CPA6: variants seen among roughly 807,000 people sequenced by gnomAD.
CPA6 encodes the protein carboxypeptidase B.
A neutral mutation model predicts 63.3 loss-of-function variants in CPA6; 58 were observed. The observed-to-expected ratio is 0.92, with a 90% confidence interval of 0.74 to 1.14. CPA6 has a LOEUF of 1.14. Among genes scored for constraint, CPA6 ranks in the 50% most tolerant of loss-of-function variants. The probability of loss-of-function intolerance (pLI) is 0.00; values close to 1 mark genes in which losing one functional copy is unlikely to be tolerated. For synonymous variants in CPA6, 185 were observed against 179.0 expected (o/e 1.03, Z -0.27); for missense variants, 565 against 526.6 (o/e 1.07, Z -0.71).
intron 1 of CPA6, among the ~76,000 whole-genome samples, chr8:67,679,999 T>A (rs957053797): frequency 3.9e-5 from 6 of 152,192 alleles, no homozygotes; most frequent in African/African-American, 1.4e-4. Flanking sequence ...AAAAACTGAC[T>A]TGCATGTAGC....
intron 8 of CPA6, among the ~76,000 whole-genome samples, chr8:67,469,070 G>C (rs1007188084): frequency 6.6e-6 from 1 of 152,136 alleles, no homozygotes; most frequent in Non-Finnish European, 1.5e-5. Flanking sequence ...ACTTTACCAA[G>C]TGTGAATACA....
intron 2 of CPA6, among the ~76,000 whole-genome samples, chr8:67,566,817 A>C (rs757126215): frequency 3.5e-4 from 53 of 152,226 alleles, no homozygotes; most frequent in Non-Finnish European, 1.2e-4. Context: ...CATGAACTCT[A>C]ACCTCTTCAG....
At chr8:67,482,535 C>T (rs1811381739) in intron 8 of CPA6, among the ~76,000 whole-genome samples, 1 of 152,084 alleles carries the variant, frequency 6.6e-6, no homozygotes, top group African/African-American at 2.4e-5. Context: ...TACATTATTG[C>T]TCATCATCAC....
chr8:67,534,584 T>C (rs1812545332), intron 2 of CPA6, among the ~76,000 whole-genome samples: 1 of 152,192 alleles, frequency 6.6e-6, no homozygotes, highest in Non-Finnish European at 1.5e-5. Context: ...AAGGTTAATA[T>C]CTCATGTGTA....
intron 1 of CPA6, among the ~76,000 whole-genome samples, chr8:67,703,012 T>A (rs1817057868): frequency 6.6e-6 from 1 of 152,224 alleles, no homozygotes; most frequent in African/African-American, 2.4e-5. Flanking sequence ...GCCCCTTGGA[T>A]GAATTCTTTC....
intron 8 of CPA6, among the ~76,000 whole-genome samples, chr8:67,438,935 A>C (rs7002216): frequency 0.16 from 23,808 of 152,196 alleles, 1,995 homozygotes; most frequent in East Asian, 0.24. Flanking sequence ...AGAACACAAA[A>C]TTCACAACTA....
At chr8:67,685,093 T>C (rs1329839045) in intron 1 of CPA6, among the ~76,000 whole-genome samples, 1 of 152,186 alleles carries the variant, frequency 6.6e-6, no homozygotes, top group African/African-American at 2.4e-5. Context: ...CTAAATAGTC[T>C]TTCTTACCAT....
chr8:67,722,196 A>G lies in CPA6; in HGVS notation c.116+23818T>C, dbSNP rs114195314. ...ATTTGTCTAAGGTTTTTCTTTTAAC[A>G]TTGCTATCACTGCCTATATTTGACC... On this transcript the variant is annotated intron_variant, in intron 1 of 10. Coordinates refer to ENST00000297770, the MANE Select transcript of CPA6 (RefSeq NM_020361.5). Among the ~76,000 whole-genome samples, 1,416 of 152,272 alleles carry G rather than the reference A, an allele frequency of 9.3e-3. 25 individuals carry two copies. The highest frequency in any genetic ancestry group is 0.031 in the African/African-American group (1,283 of 41,546).
At chr8:67,575,226 G>T (rs1327277496) in intron 2 of CPA6, among the ~76,000 whole-genome samples, 1 of 152,118 alleles carries the variant, frequency 6.6e-6, no homozygotes, top group Admixed American at 6.5e-5. Flanking sequence ...ACCAAAAAGA[G>T]GAAAGATAAC....
intron 1 of CPA6, among the ~76,000 whole-genome samples, chr8:67,684,786 C>T (rs1385634707): frequency 6.6e-6 from 1 of 152,142 alleles, no homozygotes; most frequent in African/African-American, 2.4e-5. Flanking sequence ...ACCTGCCATC[C>T]TTAGTATCTG....
Position 67,623,311 on chromosome 8 carries a change from A to C in CPA6, c.192+865T>G, listed in dbSNP as rs977790550. Among the ~76,000 whole-genome samples, 5 of 152,356 alleles carry C rather than the reference A, an allele frequency of 3.3e-5. No homozygotes were observed. The South Asian group carries it at 8.3e-4, about 25-fold the overall frequency. ...TAGGACATTCCAGACACTAACTAGA[A>C]ATACAGCAATGAACAAAAAATAGAT... On this transcript the variant is annotated intron_variant, in intron 2 of 10. Transcript: ENST00000297770.
At chr8:67,722,630 G>T (rs143945703) in intron 1 of CPA6, among the ~76,000 whole-genome samples, 2 of 152,066 alleles carry the variant, frequency 1.3e-5, no homozygotes, top group Non-Finnish European at 2.9e-5. Flanking sequence ...GGAAACCTTG[G>T]CCTTTAACCA....
In CPA6 at chr8:67,502,128, T is replaced by A. The variant is rs118153832; in HGVS notation, c.636+4659A>T. ...ATTGGTAATTTGCATCTTCTTATTT[T>A]CTTTGTCTCTCATGCTAGAGCTTTG... On this transcript the variant is annotated intron_variant, in intron 6 of 10. Coordinates refer to ENST00000297770, the MANE Select transcript of CPA6 (RefSeq NM_020361.5). Among the ~76,000 whole-genome samples, 34 of 152,290 alleles carry A rather than the reference T, an allele frequency of 2.2e-4. 1 individual carries two copies. The East Asian group carries it at 6.4e-3, about 29-fold the overall frequency.
At chr8:67,719,471 G>A (rs1282195294) in intron 1 of CPA6, among the ~76,000 whole-genome samples, 2 of 152,166 alleles carry the variant, frequency 1.3e-5, no homozygotes, top group Non-Finnish European at 2.9e-5. Context: ...GGGCTGCAGT[G>A]GGCCAAGTTA....
chr8:67,470,115 C>T (rs1451027576), intron 8 of CPA6, among the ~76,000 whole-genome samples: 1 of 151,620 alleles, frequency 6.6e-6, no homozygotes, highest in Non-Finnish European at 1.5e-5. Context: ...GCAACGTCCA[C>T]TCCCAACAGG....
intron 1 of CPA6, among the ~76,000 whole-genome samples, chr8:67,632,869 A>T (rs1344410398): frequency 6.6e-6 from 1 of 152,240 alleles, no homozygotes; most frequent in Non-Finnish European, 1.5e-5. Flanking sequence ...CAAGTTCTAG[A>T]AATAGTGCAC....
chr8:67,646,881 G>A (rs1815725440), intron 1 of CPA6, among the ~76,000 whole-genome samples: 1 of 152,196 alleles, frequency 6.6e-6, no homozygotes, highest in Non-Finnish European at 1.5e-5. Context: ...CTGGAAAGAG[G>A]CAGTGTTAGG....
intron 2 of CPA6, among the ~76,000 whole-genome samples, chr8:67,548,068 T>G (rs1482337731): frequency 6.6e-6 from 1 of 151,900 alleles, no homozygotes; most frequent in Non-Finnish European, 1.5e-5. Flanking sequence ...TTTCTTTTCT[T>G]TTTTTTCTTT....
chr8:67,450,491 G>A (rs1401192832), intron 8 of CPA6, among the ~76,000 whole-genome samples: 2 of 152,214 alleles, frequency 1.3e-5, no homozygotes, highest in Admixed American at 1.3e-4. Context: ...AGAGACTTAT[G>A]TCAATGAACG....
Sources: allele counts gnomAD v4.1 joint callset (sites outside exome capture counted in the v4.1 genomes callset), GRCh38; gene constraint gnomAD v4.1.1; transcripts MANE v1.5; gene names NCBI Gene and HGNC (gene_info 2026-07-23, HGNC 2026-07-21).